The following NHLRC2 variants were observed in gnomAD, a reference collection of about 807,000 sequenced individuals.
NHLRC2 encodes NHL repeat-containing protein 2.
In NHLRC2, 33 loss-of-function variants were observed where a neutral mutation model predicts 68.1. That is an observed-to-expected ratio of 0.48 (90% CI 0.37 to 0.65). The LOEUF (loss-of-function observed/expected upper bound fraction) is 0.65. Among genes scored for constraint, NHLRC2 ranks in the 30% least tolerant of loss-of-function variants. NHLRC2 has a pLI of 0.00. For missense variants in NHLRC2, 761 were observed against 853.8 expected (o/e 0.89, Z 1.35); for synonymous variants, 311 against 309.6 (o/e 1.00, Z -0.05).
At chr10:113,874,333 G>A (rs1443252403) in intron 2 of NHLRC2, among the ~76,000 whole-genome samples, 1 of 151,980 alleles carries the variant, frequency 6.6e-6, no homozygotes, top group South Asian at 2.1e-4. Flanking sequence ...ACTTGCCCAA[G>A]GTAACAGGTG....
At chr10:113,865,604 T>G (rs1845860229) in intron 2 of NHLRC2, among the ~76,000 whole-genome samples, 1 of 151,076 alleles carries the variant, frequency 6.6e-6, no homozygotes. Context: ...CGACTTTTTT[T>G]TTTTTTTTTA....
chr10:113,884,474 A>T (rs1338951819), intron 5 of NHLRC2, 94 bp downstream of exon 5: 1 of 1,014,628 alleles, frequency 9.9e-7, no homozygotes, highest in African/African-American at 1.6e-5. Flanking sequence ...TTCCATTACT[A>T]GTTATTTTAT....
Position 113,904,849 on chromosome 10 carries a change from A to G in NHLRC2, c.1737A>G (p.Val579=). 1 of 1,613,868 alleles carries G rather than the reference A, an allele frequency of 6.2e-7. No individual in the cohort carries two copies. Among genetic ancestry groups the G allele is most frequent in the Non-Finnish European group, 8.5e-7 (1 of 1,179,838 alleles). Residue 579 remains valine, a synonymous_variant, in exon 10 of 11, where the codon GTA becomes GTG. Transcript: ENST00000369301. ...LPIFRSENAV[V]DGPFLVEKQK... is the part of the protein sequence containing the mutation. ...TCTTCAGATCTGAAAATGCTGTGGT[A>G]GATGGCCCGTTCCTAGTAGAAAAAC...
intron 6 of NHLRC2, among the ~76,000 whole-genome samples, 182 bp downstream of exon 6, chr10:113,898,391 A>G (rs1308960122): frequency 6.6e-6 from 1 of 152,222 alleles, no homozygotes; most frequent in Non-Finnish European, 1.5e-5. Context: ...ACATGGGTTC[A>G]CTGGGGAGCA....
Position 113,912,544 on chromosome 10 carries a change from A to C in NHLRC2, c.*4008A>C, listed in dbSNP as rs532562516. 2.0e-5 allele frequency: 3 copies of C among 152,216 alleles called. No individual in the cohort carries two copies. Among genetic ancestry groups the C allele is most frequent in the Non-Finnish European group, 4.4e-5 (3 of 68,052 alleles). The allele number at this position is 152,216 out of a possible 1,614,324, so 9.4% of individuals were successfully genotyped here. A position where few individuals can be genotyped will look rare whatever the true frequency, so the allele number is the denominator to read the frequency against. On this transcript the variant is annotated 3_prime_UTR_variant, in exon 11 of 11. Coordinates refer to ENST00000369301, the MANE Select transcript of NHLRC2 (RefSeq NM_198514.4). ...GAACTTGCTTTGAGAGGGTCCAGACATACTCATCCTGAACCACATTCCTAC... is the reference window on the plus strand; with the variant it reads ...GAACTTGCTTTGAGAGGGTCCAGACCTACTCATCCTGAACCACATTCCTAC...
chr10:113,881,834 C>T (rs1417141854), intron 4 of NHLRC2, among the ~76,000 whole-genome samples: 1 of 151,738 alleles, frequency 6.6e-6, no homozygotes, highest in African/African-American at 2.4e-5. Flanking sequence ...AAGTAAGAAC[C>T]CACATGACCA....
rs1169108158 is a variant in NHLRC2, at chr10:113,871,015, C to CTTTT, written c.332-5483_332-5480dup. Among the ~76,000 whole-genome samples, 58 of 65,752 alleles carry CTTTT rather than the reference C, an allele frequency of 8.8e-4. 2 individuals carry two copies. Among genetic ancestry groups the CTTTT allele is most frequent in the African/African-American group, 3.4e-3 (51 of 14,996 alleles). The allele number at this position is 65,752 out of a possible 152,430, so 43.1% of individuals were successfully genotyped here. A position where few individuals can be genotyped will look rare whatever the true frequency, so the allele number is the denominator to read the frequency against. ...TGTTAATTATTCTTGCTTCCTGCAT[C>CTTTT]TTTTTTTTTTTTTTTTTTTTTTTTT... On this transcript the variant is annotated intron_variant, in intron 2 of 10. Transcript: ENST00000369301.
chr10:113,916,151 G>T lies in NHLRC2; in HGVS notation c.*7615G>T, dbSNP rs925073434. 7 of 152,202 alleles carry T rather than the reference G, an allele frequency of 4.6e-5. No homozygotes were observed. The highest frequency in any genetic ancestry group is 1.7e-4 in the African/African-American group (7 of 41,450). The allele number at this position is 152,202 out of a possible 1,614,324, so 9.4% of individuals were successfully genotyped here. ...GGAAATATATTCATTCTTTGAGCAT[G>T]TACAGGGTGGGCTCCCTGTTGTATT... On this transcript the variant is annotated 3_prime_UTR_variant, in exon 11 of 11. Transcript: ENST00000369301.
intron 5 of NHLRC2, among the ~76,000 whole-genome samples, chr10:113,888,530 TTATG>T (rs1175454292): frequency 2.4e-4 from 37 of 152,184 alleles, no homozygotes; most frequent in African/African-American, 8.4e-4. Context: ...ATGCATGTGT[TTATG>T]TATTTTAAAT....
intron 3 of NHLRC2, 74 bp from the exon 4 acceptor site, chr10:113,879,500 A>T (rs1447971167): frequency 7.7e-7 from 1 of 1,295,114 alleles, no homozygotes; most frequent in Non-Finnish European, 1.1e-6. Flanking sequence ...CCAGCATTAA[A>T]TACAAGTTTG....
rs1846296557 is a variant in NHLRC2 at position 113,908,641 on chromosome 10, G to C, written c.*105G>C. ...CTTCAGTTCTGCCTCTGGATACCAA[G>C]ATGCCCATTGCTCAGTTCAGACAAC... is the stretch of plus-strand genomic sequence containing the variant. On this transcript the variant is annotated 3_prime_UTR_variant, in exon 11 of 11. Coordinates refer to ENST00000369301, the MANE Select transcript of NHLRC2 (RefSeq NM_198514.4). 3 of 1,017,144 alleles carry C rather than the reference G, an allele frequency of 2.9e-6. No individual in the cohort carries two copies. Among genetic ancestry groups the C allele is most frequent in the South Asian group, 1.5e-5 (1 of 67,184 alleles). 63.0% of individuals were successfully genotyped at this position (1,017,144 alleles called of 1,614,324 possible).
intron 6 of NHLRC2, among the ~76,000 whole-genome samples, chr10:113,900,699 A>G (rs1045352545): frequency 6.6e-6 from 1 of 152,148 alleles, no homozygotes; most frequent in Non-Finnish European, 1.5e-5. Flanking sequence ...GTTATTACAT[A>G]TATTGTACTT....
At chr10:113,897,297 T>C (rs1014469417) in intron 5 of NHLRC2, among the ~76,000 whole-genome samples, 3 of 152,220 alleles carry the variant, frequency 2.0e-5, no homozygotes, top group Non-Finnish European at 2.9e-5. Context: ...GTACCAAATA[T>C]GATCTGTTGG....
chr10:113,857,906 T>A (rs193103959), intron 1 of NHLRC2, among the ~76,000 whole-genome samples: 69 of 152,256 alleles, frequency 4.5e-4, no homozygotes, highest in Admixed American at 9.1e-4. Flanking sequence ...GCATTTTGTA[T>A]GTTTATCCTT....
At chr10:113,890,956 A>G (rs1294328013) in intron 5 of NHLRC2, among the ~76,000 whole-genome samples, 2 of 152,206 alleles carry the variant, frequency 1.3e-5, no homozygotes, top group Non-Finnish European at 2.9e-5. Context: ...CCAAGGGGGA[A>G]GTGCCAGACA....
At chr10:113,893,772 A>G (rs1846153091) in intron 5 of NHLRC2, among the ~76,000 whole-genome samples, 1 of 152,198 alleles carries the variant, frequency 6.6e-6, no homozygotes, top group African/African-American at 2.4e-5. Flanking sequence ...AGAACTAGAT[A>G]ACAAAGTTAA....
chr10:113,887,817 A>G lies in NHLRC2; in HGVS notation c.1039+3437A>G, dbSNP rs556054179. ...GTATATCTATACACTGGAATACTATACAGCTTTAAATACTGTCATTCATGA... is the reference window on the plus strand; with the variant it reads ...GTATATCTATACACTGGAATACTATGCAGCTTTAAATACTGTCATTCATGA... On this transcript the variant is annotated intron_variant, in intron 5 of 10. Coordinates refer to ENST00000369301, the MANE Select transcript of NHLRC2 (RefSeq NM_198514.4). 1.4e-4 allele frequency among the ~76,000 whole-genome samples: 21 copies of G among 152,322 alleles called. No individual in the cohort carries two copies. The South Asian group carries it at 4.4e-3, about 32-fold the overall frequency.
chr10:113,891,768 G>GT (rs1393254853), intron 5 of NHLRC2, among the ~76,000 whole-genome samples: 1 of 152,152 alleles, frequency 6.6e-6, no homozygotes, highest in African/African-American at 2.4e-5. Context: ...CCAGGCTTGT[G>GT]TTGTGTATGG....
chr10:113,876,630 T>C lies in NHLRC2; in HGVS notation c.441T>C (p.Asn147=), dbSNP rs1298756317. The C allele has an allele frequency of 6.2e-7, 1 of 1,613,758 alleles. No homozygotes were observed. The highest frequency in any genetic ancestry group is 1.3e-5 in the African/African-American group (1 of 74,908). ...ACAACATCACCCACCCTATGGTTAA[T>C]GATGCAGATGCCAGCCTTTGGCAAG... ...LRYNITHPMV[N]DADASLWQEL... Residue 147 remains asparagine, a synonymous_variant, in exon 3 of 11, where the codon AAT becomes AAC. Coordinates refer to ENST00000369301, the MANE Select transcript of NHLRC2 (RefSeq NM_198514.4).
Sources: allele counts gnomAD v4.1 joint callset (sites outside exome capture counted in the v4.1 genomes callset), GRCh38; gene constraint gnomAD v4.1.1; transcripts MANE v1.5; gene names NCBI Gene and HGNC (gene_info 2026-07-23, HGNC 2026-07-21).